The following MDGA2 variants were observed in gnomAD, a reference collection of about 807,000 sequenced individuals.
MDGA2 encodes MAM domain-containing glycosylphosphatidylinositol anchor protein 2.
Under a neutral mutation model 117.8 loss-of-function variants are expected in MDGA2, and 40 were observed. That is an observed-to-expected ratio of 0.34 (90% CI 0.26 to 0.44). The LOEUF is 0.44. Among genes scored for constraint, MDGA2 ranks in the 20% least tolerant of loss-of-function variants. The probability of loss-of-function intolerance (pLI) is 1.00; values close to 1 mark genes in which losing one functional copy is unlikely to be tolerated. For synonymous variants in MDGA2, 452 were observed against 439.0 expected, an observed-to-expected ratio of 1.03 and a Z score of -0.37; for missense variants, 1,123 against 1,250.6, an observed-to-expected ratio of 0.90 and a Z score of 1.54.
chr14:47,580,873 T>C (rs1012695524), intron 1 of MDGA2, among the ~76,000 whole-genome samples: 3 of 151,968 alleles, frequency 2.0e-5, no homozygotes, highest in African/African-American at 7.2e-5. Flanking sequence ...TCTCCACAGG[T>C]TACACATCAA....
chr14:47,653,306 G>A (rs1482376348), intron 1 of MDGA2, among the ~76,000 whole-genome samples: 1 of 152,110 alleles, frequency 6.6e-6, no homozygotes, highest in Non-Finnish European at 1.5e-5. Context: ...GCTGAGATTT[G>A]CTGAGATCTA....
At chr14:47,404,497 T>A (rs1180945365) in intron 1 of MDGA2, among the ~76,000 whole-genome samples, 1 of 147,096 alleles carries the variant, frequency 6.8e-6, no homozygotes, top group Non-Finnish European at 1.5e-5. Context: ...ATACCAAGTT[T>A]AAAAAAAAAA....
chr14:47,036,270 CAAAAAAAAA>C (rs11310113), intron 7 of MDGA2, among the ~76,000 whole-genome samples: 1 of 74,444 alleles, frequency 1.3e-5, no homozygotes, highest in African/African-American at 5.8e-5. Context: ...ACTCTGTCTC[CAAAAAAAAA>C]AAAAAAAAAA....
At chr14:47,631,888 C>G (rs891808216) in intron 1 of MDGA2, among the ~76,000 whole-genome samples, 1 of 151,750 alleles carries the variant, frequency 6.6e-6, no homozygotes, top group African/African-American at 2.4e-5. Context: ...CCGCCCATCA[C>G]AAATTTGTAA....
At chr14:46,844,457 T>C (rs908210321) in intron 16 of MDGA2, among the ~76,000 whole-genome samples, 5 of 152,040 alleles carry the variant, frequency 3.3e-5, no homozygotes, top group African/African-American at 7.2e-5. Context: ...GCCGCGAGTC[T>C]GTAATCCCAG....
intron 1 of MDGA2, among the ~76,000 whole-genome samples, chr14:47,364,108 G>A (rs1233969562): frequency 1.3e-5 from 2 of 152,024 alleles, no homozygotes; most frequent in Non-Finnish European, 2.9e-5. Flanking sequence ...TCTCAAGTGT[G>A]GCTTCACCAT....
chr14:47,056,794 C>T (rs890041631), intron 7 of MDGA2, among the ~76,000 whole-genome samples: 3 of 152,070 alleles, frequency 2.0e-5, no homozygotes, highest in Non-Finnish European at 4.4e-5. Context: ...TATATTTTTG[C>T]AAATGAGTGA....
At chr14:47,039,448 C>A (rs950243084) in intron 7 of MDGA2, among the ~76,000 whole-genome samples, 1 of 152,258 alleles carries the variant, frequency 6.6e-6, no homozygotes, top group Non-Finnish European at 1.5e-5. Context: ...TGGCCATAGG[C>A]AGTTTTCTCA....
At chr14:47,223,962 G>C (rs1254008215) in intron 2 of MDGA2, among the ~76,000 whole-genome samples, 1 of 152,082 alleles carries the variant, frequency 6.6e-6, no homozygotes, top group Non-Finnish European at 1.5e-5. Context: ...TCACTATCAT[G>C]AGAACAGCAT....
chr14:46,937,408 G>T (rs1884823867), intron 9 of MDGA2, among the ~76,000 whole-genome samples: 1 of 151,864 alleles, frequency 6.6e-6, no homozygotes, highest in Non-Finnish European at 1.5e-5. Flanking sequence ...CAATGCAATT[G>T]CTGTCAATTA....
At chr14:46,987,108 T>C (rs1285819289) in intron 8 of MDGA2, among the ~76,000 whole-genome samples, 2 of 152,072 alleles carry the variant, frequency 1.3e-5, no homozygotes, top group Non-Finnish European at 2.9e-5. Context: ...ACACGTAACA[T>C]AGAATGTGCA....
chr14:47,157,653 G>T (rs1041114715), intron 3 of MDGA2, among the ~76,000 whole-genome samples: 6 of 148,172 alleles, frequency 4.0e-5, no homozygotes, highest in Admixed American at 6.8e-5. Flanking sequence ...GATATGGTTT[G>T]GTTGTGTCCC....
chr14:47,301,833 A>C (rs923857478), intron 1 of MDGA2, among the ~76,000 whole-genome samples: 1 of 152,210 alleles, frequency 6.6e-6, no homozygotes, highest in Non-Finnish European at 1.5e-5. Flanking sequence ...TTGATTGTTA[A>C]AATGTGAGAA....
intron 1 of MDGA2, among the ~76,000 whole-genome samples, chr14:47,636,244 A>G (rs892640083): frequency 1.2e-4 from 19 of 152,344 alleles, no homozygotes; most frequent in African/African-American, 4.6e-4. Flanking sequence ...ACTTGAATTT[A>G]AGCAAAAAAG....
At chr14:47,623,906 C>G (rs942416645) in intron 1 of MDGA2, among the ~76,000 whole-genome samples, 2 of 152,152 alleles carry the variant, frequency 1.3e-5, no homozygotes, top group African/African-American at 4.8e-5. Context: ...TCACTTCAAA[C>G]AAATTCTTTT....
At chr14:47,647,152 C>T (rs1009382593) in intron 1 of MDGA2, among the ~76,000 whole-genome samples, 11 of 152,010 alleles carry the variant, frequency 7.2e-5, no homozygotes, top group African/African-American at 2.7e-4. Flanking sequence ...ACGTGTCATG[C>T]AGATTAAGTC....
intron 1 of MDGA2, among the ~76,000 whole-genome samples, chr14:47,542,733 T>C (rs1389037905): frequency 6.6e-6 from 1 of 152,190 alleles, no homozygotes; most frequent in African/African-American, 2.4e-5. Context: ...AATCAGATTT[T>C]AAAAAAATTT....
At chr14:47,603,248 AT>A (rs1896680320) in intron 1 of MDGA2, among the ~76,000 whole-genome samples, 1 of 152,190 alleles carries the variant, frequency 6.6e-6, no homozygotes, top group African/African-American at 2.4e-5. Flanking sequence ...CTCACTACTA[AT>A]TGACTTTGCT....
chr14:47,468,664 T>G (rs1037166552), intron 1 of MDGA2, among the ~76,000 whole-genome samples: 1 of 10,704 alleles, frequency 9.3e-5, no homozygotes, highest in African/African-American at 2.4e-4. Context: ...CTTATGGTGT[T>G]TTTTTTTTGT....
Sources: allele counts gnomAD v4.1 joint callset (sites outside exome capture counted in the v4.1 genomes callset), GRCh38; gene constraint gnomAD v4.1.1; transcripts MANE v1.5; gene names NCBI Gene and HGNC (gene_info 2026-07-23, HGNC 2026-07-21).